The following DNAJC21 variants were observed in gnomAD, a reference collection of about 807,000 sequenced individuals.
The protein encoded by DNAJC21 is dnaJ homolog subfamily C member 21.
DNAJC21 carries 63 observed loss-of-function variants against 72.4 expected under a neutral mutation model. The observed-to-expected ratio is 0.87, with a 90% confidence interval of 0.71 to 1.07. The LOEUF (loss-of-function observed/expected upper bound fraction) is 1.07, where lower values mean the gene tolerates loss of function less well. Ranked by LOEUF, DNAJC21 falls within the 50% of genes least tolerant of loss-of-function variation. The pLI is 0.00. For synonymous variants in DNAJC21, 203 were observed against 216.7 expected (o/e 0.94, Z 0.56); for missense variants, 634 against 644.8 (o/e 0.98, Z 0.18).
rs766592748 is a variant in DNAJC21 at position 34,937,649 on chromosome 5, G to T, written c.743+19G>T. 6.3e-6 allele frequency: 10 copies of T among 1,596,050 alleles called. No individual in the cohort carries two copies. The Admixed American group carries it at 1.0e-4, about 17-fold the overall frequency. ...AGGCCAAGTGCGTAGCGTGCGTGGG[G>T]CCCTCTTCTCAGTATCGGTGGGGGT... On this transcript the variant is annotated intron_variant, in intron 5 of 11. Coordinates refer to ENST00000648817, the MANE Select transcript of DNAJC21 (RefSeq NM_001012339.3).
At chr5:34,936,902 C>G (rs1418973817) in intron 4 of DNAJC21, among the ~76,000 whole-genome samples, 1 of 152,110 alleles carries the variant, frequency 6.6e-6, no homozygotes, top group Admixed American at 6.5e-5. Context: ...AGGCTCCCAC[C>G]ACCATGCTCA....
chr5:34,945,450 A>G (rs554209377), intron 8 of DNAJC21, among the ~76,000 whole-genome samples: 29 of 152,268 alleles, frequency 1.9e-4, no homozygotes, highest in African/African-American at 6.3e-4. Flanking sequence ...AGTTAATGGA[A>G]CTTTATAGTG....
chr5:34,952,123 A>ATG (rs3220525), intron 10 of DNAJC21: 108,781 of 908,004 alleles, frequency 0.12, 2,272 homozygotes, highest in African/African-American at 0.21. Flanking sequence ...TTTTTAAAAA[A>ATG]TGTGTGTGTG....
At chr5:34,945,885 A>G (rs938696470) in intron 9 of DNAJC21, 82 bp downstream of exon 9, 3 of 936,100 alleles carry the variant, frequency 3.2e-6, no homozygotes, top group African/African-American at 3.4e-5. Flanking sequence ...GTCTGTGTTA[A>G]GGAGAGAAAC....
At position 34,929,875 on chromosome 5, in the gene DNAJC21, T is replaced by C; in HGVS notation, c.56T>C (p.Leu19Pro). Residue 19 changes from leucine (L) to proline (P), a missense_variant, in exon 1 of 12, where the codon CTC becomes CCC. Leu to Pro is a moderately conservative substitution (Grantham distance 98). Coordinates refer to ENST00000648817, the MANE Select transcript of DNAJC21 (RefSeq NM_001012339.3). ...CGGCGCGACGCCAGCGAGGAGGAGC[T>C]CAAGAAGGCCTATCGGAAGCTGGCC... ...GVRRDASEEE[L>P]KKAYRKLALK... is the part of the protein sequence containing the mutation. The C allele has an allele frequency of 6.3e-7, 1 of 1,582,220 alleles. No individual in the cohort carries two copies. Among genetic ancestry groups the C allele is most frequent in the Non-Finnish European group, 8.6e-7 (1 of 1,165,098 alleles).
chr5:34,953,962 G>GA lies in DNAJC21; in HGVS notation c.1401dup (p.Pro468ThrfsTer7). On this transcript the variant is annotated frameshift_variant, in exon 11 of 12. Transcript: ENST00000648817. LOFTEE classifies it high-confidence loss of function. ...CCAAAGGAAAGAAAACCAAAGATAT[G>GA]AAAAAACCTGTCAGAGTACCTGCTG... The GA allele has an allele frequency of 6.2e-7, 1 of 1,611,734 alleles. No homozygotes were observed. Among genetic ancestry groups the GA allele is most frequent in the Non-Finnish European group, 8.5e-7 (1 of 1,179,202 alleles).
chr5:34,937,334 T>A lies in DNAJC21; in HGVS notation c.447T>A (p.His149Gln). 6.2e-7 allele frequency: 1 copy of A among 1,607,740 alleles called. No homozygotes were observed. Among genetic ancestry groups the A allele is most frequent in the Non-Finnish European group, 8.5e-7 (1 of 1,177,188 alleles). The stretch of plus-strand genomic sequence containing the variant: ...GTTTTCTTTGTCACTAGGTAGTCCA[T>A]CCTTTCTACGCTTATTGGCAGAGTT... Reference protein sequence around the residue: ...DSQSDYDTVVHPFYAYWQSFC... With the variant: ...DSQSDYDTVVQPFYAYWQSFC... The change falls in exon 5 of 12, where the codon CAT becomes CAA. Residue 149 changes from histidine (H) to glutamine (Q), a missense_variant. By Grantham distance (24) the His-to-Gln change is conservative (BLOSUM62 0). Coordinates refer to ENST00000648817, the MANE Select transcript of DNAJC21 (RefSeq NM_001012339.3).
chr5:34,945,678 C>A, intron 8 of DNAJC21, 83 bp from the exon 9 acceptor site: 1 of 1,187,648 alleles, frequency 8.4e-7, no homozygotes, highest in South Asian at 1.6e-5. Flanking sequence ...ACTACTTTAT[C>A]ACTAGTGTTT....
In DNAJC21 at chr5:34,956,461, C is replaced by T. The variant is rs1052403526; in HGVS notation, c.*1747C>T. The T allele has an allele frequency of 1.3e-5, 2 of 152,070 alleles. No homozygotes were observed. Among genetic ancestry groups the T allele is most frequent in the African/African-American group, 4.8e-5 (2 of 41,404 alleles). The allele number at this position is 152,070 out of a possible 1,614,324, so 9.4% of individuals were successfully genotyped here. On this transcript the variant is annotated 3_prime_UTR_variant, in exon 12 of 12. Coordinates refer to ENST00000648817, the MANE Select transcript of DNAJC21 (RefSeq NM_001012339.3). The stretch of plus-strand genomic sequence containing the variant: ...GGGGGAATACTAGGCAGTTTTGTAT[C>T]TTCTGATCTCGTACCCTGAGACTTC...
At chr5:34,954,284 A>G in intron 11 of DNAJC21, 1 of 472,508 alleles carries the variant, frequency 2.1e-6, no homozygotes, top group South Asian at 4.6e-5. Context: ...AGTTCTGGAG[A>G]TTAATTGTGA....
rs1580548065 is a variant in DNAJC21 at position 34,958,616 on chromosome 5, A to G, written c.*3902A>G. 1 of 152,238 alleles carries G rather than the reference A, an allele frequency of 6.6e-6. No individual in the cohort carries two copies. Among genetic ancestry groups the G allele is most frequent in the Non-Finnish European group, 1.5e-5 (1 of 68,046 alleles). 9.4% of individuals were successfully genotyped at this position (152,238 alleles called of 1,614,324 possible). ...AAAAGAACAAGCTACAGACAAGGAAATGTTTGCAATGCATGGAACTGTCAA... is the reference window on the plus strand; with the variant it reads ...AAAAGAACAAGCTACAGACAAGGAAGTGTTTGCAATGCATGGAACTGTCAA... On this transcript the variant is annotated 3_prime_UTR_variant, in exon 12 of 12. Coordinates refer to ENST00000648817, the MANE Select transcript of DNAJC21 (RefSeq NM_001012339.3).
At chr5:34,949,722 CTGTT>C (rs1765296989) in intron 9 of DNAJC21, 1 of 1,608,730 alleles carries the variant, frequency 6.2e-7, no homozygotes, top group African/African-American at 1.3e-5. Context: ...TTTATAATGC[CTGTT>C]TGTTGTTGCC....
chr5:34,930,498 T>C lies in DNAJC21; in HGVS notation c.97+582T>C, dbSNP rs77035475. ...TTTAAGCAGACCTTGTACTTCACTT[T>C]GGACATGATTCTGCCGGGGAAGGTT... On this transcript the variant is annotated intron_variant, in intron 1 of 11. Coordinates refer to ENST00000648817, the MANE Select transcript of DNAJC21 (RefSeq NM_001012339.3). The C allele has an allele frequency of 4.3e-4, 65 of 152,312 alleles. No homozygotes were observed. In the East Asian group the frequency reaches 9.1e-3, roughly 21 times the overall value. 9.4% of individuals were successfully genotyped at this position (152,312 alleles called of 1,614,324 possible).
At chr5:34,933,774 T>C in intron 1 of DNAJC21, 41 bp from the exon 2 acceptor site, 6 of 1,523,996 alleles carry the variant, frequency 3.9e-6, no homozygotes, top group Non-Finnish European at 5.4e-6. Context: ...GATTCTGTCC[T>C]GTACGTTTTT....
At position 34,934,793 on chromosome 5, in the gene DNAJC21, G is replaced by A. The variant is rs1764716278; in HGVS notation, c.191+885G>A. 2.0e-5 allele frequency among the ~76,000 whole-genome samples: 3 copies of A among 152,146 alleles called. No individual in the cohort carries two copies. In the South Asian group the frequency reaches 6.2e-4, roughly 31 times the overall value. ...GAGCTACTGTGCAAGTCATCTTTCT[G>A]TTAAACAGTGTACAACCAGGTGGTT... On this transcript the variant is annotated intron_variant, in intron 2 of 11. Transcript: ENST00000648817.
In DNAJC21 at chr5:34,956,007, C is replaced by CCCG. The variant is rs1287923023; in HGVS notation, c.*1296_*1298dup. 2 of 144,766 alleles carry CCCG rather than the reference C, an allele frequency of 1.4e-5. No homozygotes were observed. Among genetic ancestry groups the CCCG allele is most frequent in the East Asian group, 4.0e-4 (2 of 5,002 alleles). The allele number at this position is 144,766 out of a possible 1,614,324, so 9.0% of individuals were successfully genotyped here. On this transcript the variant is annotated 3_prime_UTR_variant, in exon 12 of 12. Transcript: ENST00000648817. ...GGCGGAGCTTGCAGTGAGCCGAGAT[C>CCCG]CCGCCACTGCACTCCAGCCTGGGCG...
At chr5:34,952,606 A>T (rs1289661698) in intron 10 of DNAJC21, 1 of 152,180 alleles carries the variant, frequency 6.6e-6, no homozygotes, top group Non-Finnish European at 1.5e-5. Flanking sequence ...ATTGAAATTC[A>T]TGTAGGAGAT....
At chr5:34,941,584 G>A (rs1214756721) in intron 7 of DNAJC21, among the ~76,000 whole-genome samples, 1 of 11,444 alleles carries the variant, frequency 8.7e-5, no homozygotes, top group African/African-American at 2.5e-4. Context: ...TTTTTTTTTT[G>A]GAGACAGAGT....
chr5:34,951,176 A>T (rs556039654), intron 10 of DNAJC21: 1 of 985,438 alleles, frequency 1.0e-6, no homozygotes, highest in African/African-American at 1.7e-5. Flanking sequence ...GGCTATAGAA[A>T]AAGGTATATA....
Sources: allele counts gnomAD v4.1 joint callset (sites outside exome capture counted in the v4.1 genomes callset), GRCh38; gene constraint gnomAD v4.1.1; transcripts MANE v1.5; gene names NCBI Gene and HGNC (gene_info 2026-07-23, HGNC 2026-07-21).